The following KLHL2 variants were observed in gnomAD, a reference collection of about 807,000 sequenced individuals.
The protein encoded by KLHL2 is kelch-like protein 2.
Under a neutral mutation model 75.8 loss-of-function variants are expected in KLHL2, and 15 were observed. The ratio of observed to expected loss-of-function variants is 0.20; its 90% CI spans 0.13 to 0.30. The LOEUF (loss-of-function observed/expected upper bound fraction) is 0.30. Ranked by LOEUF, KLHL2 falls within the 10% of genes least tolerant of loss-of-function variation. The pLI is 1.00. For synonymous variants in KLHL2, 214 were observed against 251.9 expected, an observed-to-expected ratio of 0.85 and a Z score of 1.42; for missense variants, 381 against 741.0, an observed-to-expected ratio of 0.51 and a Z score of 5.64.
intron 14 of KLHL2, among the ~76,000 whole-genome samples, chr4:165,318,446 T>G (rs1022814311): frequency 1.3e-5 from 2 of 152,208 alleles, no homozygotes; most frequent in Admixed American, 1.3e-4. Context: ...AATGTTAATT[T>G]TAATAAATAT....
At chr4:165,283,960 C>T (rs1743890228) in intron 5 of KLHL2, among the ~76,000 whole-genome samples, 1 of 152,220 alleles carries the variant, frequency 6.6e-6, no homozygotes, top group Admixed American at 6.5e-5. Flanking sequence ...CCCTTGGAGG[C>T]CACGGCCTGA....
At chr4:165,279,444 T>C (rs995417269) in intron 5 of KLHL2, 3 of 1,601,248 alleles carry the variant, frequency 1.9e-6, no homozygotes, top group Non-Finnish European at 2.6e-6. Context: ...GTTTTCTCTA[T>C]ACACTCATAG....
chr4:165,219,859 T>C (rs1737844890), intron 1 of KLHL2, 75 bp from the exon 2 acceptor site: 1 of 1,422,938 alleles, frequency 7.0e-7, no homozygotes, highest in African/African-American at 1.4e-5. Context: ...TTGTCTCTCT[T>C]GTAGCTTGAT....
chr4:165,265,629 C>A (rs903158779), intron 5 of KLHL2, among the ~76,000 whole-genome samples: 5 of 152,186 alleles, frequency 3.3e-5, no homozygotes, highest in African/African-American at 1.2e-4. Flanking sequence ...CAGCTTCATC[C>A]ATGTCCCTGC....
intron 3 of KLHL2, among the ~76,000 whole-genome samples, chr4:165,234,717 C>T (rs1421951141): frequency 3.4e-5 from 5 of 148,196 alleles, no homozygotes; most frequent in Non-Finnish European, 5.9e-5. Flanking sequence ...CGGTTTCAAG[C>T]GATTCTCCTG....
chr4:165,290,157 T>G (rs555989378), intron 5 of KLHL2, among the ~76,000 whole-genome samples: 2 of 152,040 alleles, frequency 1.3e-5, no homozygotes, highest in Non-Finnish European at 2.9e-5. Flanking sequence ...TTTTATTTGT[T>G]TTTTTTTGAG....
rs367639896 is a variant in KLHL2 at position 165,310,638 on chromosome 4, T to C, written c.1125T>C (p.Pro375=). ...TTCGCACTGTAGATTCCTACGACCC[T>C]GTGAAGGACCAGTGGACCAGCGTTG... ...LRVRTVDSYD[P]VKDQWTSVAN... is the part of the protein sequence containing the mutation. Residue 375 remains proline, a synonymous_variant, in exon 10 of 15, where the codon CCT becomes CCC. Transcript: ENST00000226725. The C allele has an allele frequency of 7.4e-6, 12 of 1,613,962 alleles. No homozygotes were observed. The African/African-American group carries it at 9.3e-5, about 13-fold the overall frequency.
chr4:165,304,042 A>G (rs764815655), intron 8 of KLHL2, among the ~76,000 whole-genome samples: 5 of 151,802 alleles, frequency 3.3e-5, no homozygotes, highest in Non-Finnish European at 5.9e-5. Flanking sequence ...TGCCTGGCCA[A>G]TTTTTAATTT....
At chr4:165,244,880 T>TG (rs1561003042) in intron 4 of KLHL2, among the ~76,000 whole-genome samples, 8 of 151,450 alleles carry the variant, frequency 5.3e-5, no homozygotes, top group African/African-American at 1.2e-4. Flanking sequence ...GTGTGTGTGT[T>TG]TTTTTTGACA....
chr4:165,297,543 A>C, intron 6 of KLHL2, 66 bp from the exon 7 acceptor site: 1 of 924,984 alleles, frequency 1.1e-6, no homozygotes, highest in Non-Finnish European at 1.8e-6. Context: ...GTAGTCTCAT[A>C]TTTTATCCAG....
intron 2 of KLHL2, among the ~76,000 whole-genome samples, chr4:165,220,426 A>G (rs1274558364): frequency 6.6e-6 from 1 of 152,154 alleles, no homozygotes; most frequent in Non-Finnish European, 1.5e-5. Context: ...TTGAGTTAAA[A>G]AGAATACAGT....
At chr4:165,310,851 T>A (rs1199205200) in intron 10 of KLHL2, 101 bp downstream of exon 10, 4 of 931,612 alleles carry the variant, frequency 4.3e-6, no homozygotes, top group Admixed American at 2.3e-5. Context: ...GTGAGGTTTT[T>A]TGTGTTTTTT....
At chr4:165,278,109 A>C (rs771111899) in intron 5 of KLHL2, 1 of 1,559,130 alleles carries the variant, frequency 6.4e-7, no homozygotes, top group Non-Finnish European at 8.9e-7. Flanking sequence ...GTTGTAACCC[A>C]ACCCATTGAC....
chr4:165,230,871 G>A (rs1738829358), intron 3 of KLHL2, among the ~76,000 whole-genome samples: 5 of 152,206 alleles, frequency 3.3e-5, no homozygotes, highest in South Asian at 2.1e-4. Flanking sequence ...CGTGGTTTAT[G>A]AATATGTGAG....
chr4:165,291,754 G>C (rs536777318), intron 5 of KLHL2, among the ~76,000 whole-genome samples: 1 of 152,126 alleles, frequency 6.6e-6, no homozygotes, highest in Admixed American at 6.5e-5. Flanking sequence ...CAAAATCCGT[G>C]GGTTCTCCAG....
In KLHL2 at chr4:165,319,226, T is replaced by C. The variant is rs762489226; in HGVS notation, c.1753+1257T>C. 2.6e-5 allele frequency among the ~76,000 whole-genome samples: 4 copies of C among 152,208 alleles called. No individual in the cohort carries two copies. Among genetic ancestry groups the C allele is most frequent in the Non-Finnish European group, 4.4e-5 (3 of 68,030 alleles). On this transcript the variant is annotated intron_variant, in intron 14 of 14. Transcript: ENST00000226725. This position sits in a 1 kb window ranked among gnomAD's most constrained non-coding sequence, Gnocchi z 4.5. ...TAATTACCTTTGAAAGAGCAGTTTG[T>C]CTCTTCAGCGATGCGTATCTCAGTA...
chr4:165,317,869 T>C lies in KLHL2; in HGVS notation c.1653T>C (p.Asp551=). The change falls in exon 14 of 15, where the codon GAT becomes GAC. Residue 551 remains aspartate (D), a synonymous_variant. Transcript: ENST00000226725. ...VNGLLYVVGG[D]DGSCNLASVE... The stretch of plus-strand genomic sequence containing the variant: ...GTCTGTTATATGTTGTTGGAGGGGA[T>C]GATGGTTCCTGTAACTTGGCGTCAG... The C allele has an allele frequency of 1.2e-6, 2 of 1,613,806 alleles. No homozygotes were observed. The highest frequency in any genetic ancestry group is 1.7e-6 in the Non-Finnish European group (2 of 1,179,726).
chr4:165,292,779 A>G (rs1462326437), intron 5 of KLHL2, among the ~76,000 whole-genome samples: 4 of 152,160 alleles, frequency 2.6e-5, no homozygotes, highest in Non-Finnish European at 5.9e-5. Flanking sequence ...TCACCTTATA[A>G]AACAGTTTTA....
chr4:165,242,524 G>A (rs1739893036), intron 4 of KLHL2, among the ~76,000 whole-genome samples: 1 of 152,092 alleles, frequency 6.6e-6, no homozygotes, highest in African/African-American at 2.4e-5. Flanking sequence ...TTGAGACAGA[G>A]TCTTGCTCTG....
Sources: allele counts gnomAD v4.1 joint callset (sites outside exome capture counted in the v4.1 genomes callset), GRCh38; gene constraint gnomAD v4.1.1; non-coding constraint Gnocchi (gnomAD v3.1); transcripts MANE v1.5; gene names NCBI Gene and HGNC (gene_info 2026-07-23, HGNC 2026-07-21).